KHDRBS2: variants seen among roughly 807,000 people sequenced by gnomAD.
KHDRBS2 encodes the protein KH domain-containing, RNA-binding, signal transduction-associated protein 2.
KHDRBS2 carries 26 observed loss-of-function variants against 44.3 expected under a neutral mutation model. The ratio of observed to expected loss-of-function variants is 0.59; its 90% confidence interval spans 0.43 to 0.81. The LOEUF (loss-of-function observed/expected upper bound fraction) is 0.81, where lower values mean the gene tolerates loss of function less well. Ranked by LOEUF, KHDRBS2 falls within the 40% of genes least tolerant of loss-of-function variation. The pLI is 0.00. For synonymous variants in KHDRBS2, 194 were observed against 151.1 expected (o/e 1.28, Z -2.08); for missense variants, 476 against 433.1 (o/e 1.10, Z -0.88).
intron 6 of KHDRBS2, among the ~76,000 whole-genome samples, chr6:61,839,103 A>T (rs182096836): frequency 2.6e-5 from 4 of 152,080 alleles, no homozygotes; most frequent in Admixed American, 2.6e-4. Flanking sequence ...CATCTTCTAG[A>T]TCTCATTTTA....
At position 62,061,532 on chromosome 6, in the gene KHDRBS2, C is replaced by T. The variant is rs943376358; in HGVS notation, c.220-13538G>A. Among the ~76,000 whole-genome samples, 31 of 148,162 alleles carry T rather than the reference C, an allele frequency of 2.1e-4. No individual in the cohort carries two copies. In the East Asian group the frequency reaches 5.5e-3, roughly 26 times the overall value. On this transcript the variant is annotated intron_variant, in intron 2 of 8. Transcript: ENST00000281156. ...TCTCTTCTGGCTTGTAGGGTTTCTG[C>T]CAAGAGATCCGCTGTTAGTCTGATG...
rs982683054 is a variant in KHDRBS2, at chr6:61,892,507, C to T, written c.810+2128G>A. Among the ~76,000 whole-genome samples, 747 of 152,274 alleles carry T rather than the reference C, an allele frequency of 4.9e-3. 9 individuals are homozygous for T. The highest frequency in any genetic ancestry group is 0.017 in the African/African-American group (707 of 41,550). On this transcript the variant is annotated intron_variant, in intron 6 of 8. Transcript: ENST00000281156. ...TGCTACCTGACTTCAAACTATACTA[C>T]AAGGCTACAGTAACCAAAACAGCAT...
At chr6:61,831,973 G>A (rs1348432017) in intron 6 of KHDRBS2, among the ~76,000 whole-genome samples, 1 of 152,126 alleles carries the variant, frequency 6.6e-6, no homozygotes, top group African/African-American at 2.4e-5. Context: ...TGGTGTGGTG[G>A]ATCATGCCTG....
rs1209238619 is a variant in KHDRBS2, at chr6:61,765,089, G to T, written c.811-32325C>A. Among the ~76,000 whole-genome samples the T allele has an allele frequency of 3.3e-5, 5 of 152,106 alleles. No individual in the cohort carries two copies. In the East Asian group the frequency reaches 5.8e-4, roughly 18 times the overall value. ...TCAGTTGTCAACAGAAGGGTACAGA[G>T]AATTTAAAATGGTGAACTCATTGGT... On this transcript the variant is annotated intron_variant, in intron 6 of 8. Coordinates refer to ENST00000281156, the MANE Select transcript of KHDRBS2 (RefSeq NM_152688.4).
At chr6:61,574,583 G>A in the KHDRBS2 span, among the ~76,000 whole-genome samples, 3 of 152,152 alleles carry the variant, frequency 2.0e-5, no homozygotes, top group East Asian at 5.8e-4. Flanking sequence ...GAGTTACCAC[G>A]TACAATTGAT....
At chr6:61,570,514 A>C in the KHDRBS2 span, among the ~76,000 whole-genome samples, 1 of 152,154 alleles carries the variant, frequency 6.6e-6, no homozygotes, top group Non-Finnish European at 1.5e-5. Context: ...ATTGAGGAAA[A>C]CTTCTTTGAC....
intron 2 of KHDRBS2, among the ~76,000 whole-genome samples, chr6:62,128,891 T>C (rs1809594522): frequency 6.6e-6 from 1 of 152,072 alleles, no homozygotes; most frequent in Non-Finnish European, 1.5e-5. Flanking sequence ...GCTTATATAC[T>C]TAACATGATT....
intron 2 of KHDRBS2, among the ~76,000 whole-genome samples, chr6:62,142,392 A>AGT (rs1813022577): frequency 6.6e-5 from 10 of 152,224 alleles, no homozygotes; most frequent in Middle Eastern, 3.4e-3. Flanking sequence ...ACAACCTTCC[A>AGT]TCTCTCGGAT....
the KHDRBS2 span, among the ~76,000 whole-genome samples, chr6:61,588,984 A>G: frequency 6.6e-6 from 1 of 152,146 alleles, no homozygotes; most frequent in South Asian, 2.1e-4. Flanking sequence ...CAAATGCTGC[A>G]TGTTCTCACT....
At chr6:61,615,895 G>C in the KHDRBS2 span, among the ~76,000 whole-genome samples, 1 of 152,168 alleles carries the variant, frequency 6.6e-6, no homozygotes, top group East Asian at 1.9e-4. Context: ...TATGGCCCAA[G>C]TCTAGCTTAG....
At chr6:61,796,449 C>T (rs1217435326) in intron 6 of KHDRBS2, among the ~76,000 whole-genome samples, 1 of 151,852 alleles carries the variant, frequency 6.6e-6, no homozygotes, top group Non-Finnish European at 1.5e-5. Flanking sequence ...CATTATCTGC[C>T]AAGCATGATT....
the KHDRBS2 span, among the ~76,000 whole-genome samples, chr6:61,579,130 T>C: frequency 6.6e-6 from 1 of 152,058 alleles, no homozygotes; most frequent in African/African-American, 2.4e-5. Flanking sequence ...GAGAACACAT[T>C]AGCTATTGAT....
chr6:61,655,485 C>A, the KHDRBS2 span, among the ~76,000 whole-genome samples: 2 of 152,022 alleles, frequency 1.3e-5, no homozygotes, highest in East Asian at 1.9e-4. Context: ...GAACTCCTGA[C>A]CTCAGGTGAT....
chr6:61,911,166 T>C (rs1805983847), intron 4 of KHDRBS2, among the ~76,000 whole-genome samples: 2 of 152,182 alleles, frequency 1.3e-5, no homozygotes, highest in Admixed American at 6.5e-5. Flanking sequence ...ATTTTACCAA[T>C]AACCTAGGAA....
intron 2 of KHDRBS2, among the ~76,000 whole-genome samples, chr6:62,059,198 G>GTTTTTTTTT (rs398001756): frequency 0.021 from 531 of 24,880 alleles, 218 homozygotes; most frequent in Middle Eastern, 0.05. Flanking sequence ...AAGTTAGGAA[G>GTTTTTTTTT]TTTTTTTTTT....
intron 2 of KHDRBS2, among the ~76,000 whole-genome samples, chr6:62,122,916 T>C (rs1467575352): frequency 6.6e-6 from 1 of 151,624 alleles, no homozygotes; most frequent in East Asian, 1.9e-4. Flanking sequence ...TTTAATAAAT[T>C]ATACTTTAAG....
At chr6:61,816,929 T>A (rs2085855646) in intron 6 of KHDRBS2, 1 of 455,750 alleles carries the variant, frequency 2.2e-6, no homozygotes, top group Non-Finnish European at 4.4e-6. Flanking sequence ...TTTCCATCTT[T>A]AGCATTTCTA....
At chr6:61,716,168 G>A (rs1206004577) in intron 7 of KHDRBS2, among the ~76,000 whole-genome samples, 1 of 151,922 alleles carries the variant, frequency 6.6e-6, no homozygotes, top group East Asian at 1.9e-4. Context: ...GAGCTGCCAT[G>A]CTATGAGGAA....
the KHDRBS2 span, among the ~76,000 whole-genome samples, chr6:61,646,586 T>G: frequency 7.1e-3 from 1,085 of 152,270 alleles, 15 homozygotes; most frequent in African/African-American, 0.024. Context: ...TTATCCTGGT[T>G]TCTTGAACTT....
Sources: gnomAD v4.1 joint callset for allele counts (sites outside exome capture counted in the v4.1 genomes callset) on GRCh38, gnomAD v4.1.1 for gene constraint, MANE v1.5 for transcripts, NCBI Gene and HGNC (gene_info 2026-07-23, HGNC 2026-07-21) for gene names.